The following AKR1E2 variants were observed in gnomAD, a reference collection of about 807,000 sequenced individuals.
AKR1E2 encodes 1,5-anhydro-D-fructose reductase.
A neutral mutation model predicts 41.9 loss-of-function variants in AKR1E2; 43 were observed. The ratio of observed to expected loss-of-function variants is 1.03; its 90% confidence interval spans 0.80 to 1.32. The LOEUF (loss-of-function observed/expected upper bound fraction) is 1.32, where lower values mean the gene tolerates loss of function less well. AKR1E2 is among the 40% of genes most tolerant of loss of function. The pLI, the probability that AKR1E2 is intolerant of heterozygous loss-of-function variation, is 0.00. For synonymous variants in AKR1E2, 121 were observed against 138.9 expected (o/e 0.87, Z 0.91); for missense variants, 423 against 396.5 (o/e 1.07, Z -0.57).
intron 3 of AKR1E2, among the ~76,000 whole-genome samples, chr10:4,834,014 T>C (rs1588446045): frequency 6.6e-6 from 1 of 152,234 alleles, no homozygotes; most frequent in East Asian, 1.9e-4. Flanking sequence ...GTCACTAAGC[T>C]ACCCCAGTCT....
chr10:4,861,649 A>G, the AKR1E2 span, among the ~76,000 whole-genome samples: 44 of 152,220 alleles, frequency 2.9e-4, no homozygotes, highest in African/African-American at 1.0e-3. Context: ...GATTACAGGC[A>G]TGAACCACCG....
the AKR1E2 span, among the ~76,000 whole-genome samples, chr10:4,865,645 CA>C: frequency 6.6e-6 from 1 of 152,106 alleles, no homozygotes; most frequent in Non-Finnish European, 1.5e-5. Context: ...TCCCTCAATA[CA>C]TATTAAGTTT....
intron 8 of AKR1E2, among the ~76,000 whole-genome samples, chr10:4,842,810 C>T (rs562788615): frequency 2.6e-5 from 4 of 152,328 alleles, no homozygotes; most frequent in South Asian, 4.1e-4. Context: ...GCACCAGTCA[C>T]ATGGCTGCGC....
At chr10:4,835,647 C>T in intron 3 of AKR1E2, 28 bp from the exon 4 acceptor site, 2 of 1,402,394 alleles carry the variant, frequency 1.4e-6, no homozygotes, top group Non-Finnish European at 9.7e-7. Context: ...GTTTTGTTTT[C>T]ACACATCTCA....
At chr10:4,862,992 C>T in the AKR1E2 span, among the ~76,000 whole-genome samples, 6 of 152,124 alleles carry the variant, frequency 3.9e-5, no homozygotes, top group Non-Finnish European at 8.8e-5. Flanking sequence ...GAGACTTAGA[C>T]TCCCACACAA....
intron 8 of AKR1E2, among the ~76,000 whole-genome samples, chr10:4,842,733 C>G (rs932653538): frequency 2.6e-5 from 4 of 152,166 alleles, no homozygotes; most frequent in Non-Finnish European, 5.9e-5. Context: ...CTCCATCCAG[C>G]CCAAGATTAG....
the AKR1E2 span, among the ~76,000 whole-genome samples, chr10:4,867,728 C>T: frequency 6.6e-6 from 1 of 152,242 alleles, no homozygotes; most frequent in African/African-American, 2.4e-5. Flanking sequence ...ACATTGCTTT[C>T]AGCTCTGTGT....
At chr10:4,840,871 T>TTC (rs1833820860) in intron 6 of AKR1E2, among the ~76,000 whole-genome samples, 1 of 152,196 alleles carries the variant, frequency 6.6e-6, no homozygotes, top group Non-Finnish European at 1.5e-5. Context: ...TCTCAGTCCC[T>TTC]TCCACTAGTC....
At chr10:4,836,641 C>G (rs949241394) in intron 4 of AKR1E2, among the ~76,000 whole-genome samples, 4 of 152,186 alleles carry the variant, frequency 2.6e-5, no homozygotes, top group African/African-American at 7.2e-5. Context: ...TAGGCTCCCC[C>G]CATCAATAGA....
At chr10:4,835,200 A>T (rs2961577) in intron 3 of AKR1E2, among the ~76,000 whole-genome samples, 136,022 of 152,276 alleles carry the variant, frequency 0.89, 61,636 homozygotes, top group East Asian at 0.98. Flanking sequence ...TTCAAGATGT[A>T]TCTCTCTGCC....
chr10:4,835,627 G>GTTTTT (rs569458647), intron 3 of AKR1E2, 48 bp from the exon 4 acceptor site: 3 of 1,583,630 alleles, frequency 1.9e-6, no homozygotes, highest in East Asian at 2.3e-5. Context: ...GGTTTTTTTT[G>GTTTTT]TTTTGTTTTG....
chr10:4,838,330 G>A (rs188647882), intron 5 of AKR1E2, among the ~76,000 whole-genome samples: 11 of 152,248 alleles, frequency 7.2e-5, no homozygotes, highest in South Asian at 4.1e-4. Context: ...CTCTGTGCTC[G>A]CCTCTTTCAC....
At chr10:4,864,172 A>C in the AKR1E2 span, among the ~76,000 whole-genome samples, 1 of 152,180 alleles carries the variant, frequency 6.6e-6, no homozygotes, top group Non-Finnish European at 1.5e-5. Context: ...AGAGAATTTT[A>C]GACCAATATC....
chr10:4,860,890 C>A, the AKR1E2 span, among the ~76,000 whole-genome samples: 2 of 152,126 alleles, frequency 1.3e-5, no homozygotes, highest in African/African-American at 4.8e-5. Flanking sequence ...TCATGGCAGT[C>A]AACTGCAGCT....
intron 1 of AKR1E2, among the ~76,000 whole-genome samples, chr10:4,828,944 G>A (rs149193857): frequency 6.6e-6 from 1 of 152,132 alleles, no homozygotes; most frequent in African/African-American, 2.4e-5. Context: ...CTGTTAATTT[G>A]TGTTACATTT....
chr10:4,826,923 C>A (rs776586510), intron 1 of AKR1E2, among the ~76,000 whole-genome samples: 1 of 151,686 alleles, frequency 6.6e-6, no homozygotes, highest in East Asian at 1.9e-4. Context: ...AAAAAATGAA[C>A]AAATCAGCTG....
intron 8 of AKR1E2, among the ~76,000 whole-genome samples, chr10:4,842,832 G>A (rs1833996374): frequency 6.6e-6 from 1 of 152,188 alleles, no homozygotes; most frequent in African/African-American, 2.4e-5. Context: ...CGCCCACAGG[G>A]GAGGCTGGAT....
In AKR1E2 at chr10:4,836,123, C is replaced by T. The variant is rs112034206; in HGVS notation, c.459+314C>T. ...TTATTTCAGAAAATACAGGAGAGTT[C>T]TTCTGCATTAAACTAACATTAAAAA... On this transcript the variant is annotated intron_variant, in intron 4 of 9. Transcript: ENST00000298375. Among the ~76,000 whole-genome samples the T allele has an allele frequency of 0.035, 5,302 of 152,176 alleles. 149 individuals are homozygous for T. The highest frequency in any genetic ancestry group is 0.11 in the East Asian group (590 of 5,174).
downstream of AKR1E2, among the ~76,000 whole-genome samples, chr10:4,848,511 A>G (rs915305877): frequency 4.6e-5 from 7 of 152,338 alleles, no homozygotes; most frequent in Non-Finnish European, 8.8e-5. Flanking sequence ...CTCCAGGGAT[A>G]TAACTTCTCA....
Sources: allele counts gnomAD v4.1 joint callset (sites outside exome capture counted in the v4.1 genomes callset), GRCh38; gene constraint gnomAD v4.1.1; transcripts MANE v1.5; gene names NCBI Gene and HGNC (gene_info 2026-07-23, HGNC 2026-07-21).